HS6ST3: variants seen among roughly 807,000 people sequenced by gnomAD.
HS6ST3 encodes the protein heparan-sulfate 6-O-sulfotransferase 3.
HS6ST3 carries 12 observed loss-of-function variants against 36.7 expected under a neutral mutation model. The ratio of observed to expected loss-of-function variants is 0.33; its 90% confidence interval spans 0.21 to 0.53. HS6ST3 has a LOEUF of 0.53. HS6ST3 is among the 20% of genes least tolerant of loss of function. The probability of loss-of-function intolerance (pLI) is 0.95; values close to 1 mark genes in which losing one functional copy is unlikely to be tolerated. For synonymous variants in HS6ST3, 240 were observed against 257.5 expected, an observed-to-expected ratio of 0.93 and a Z score of 0.65; for missense variants, 584 against 640.9, an observed-to-expected ratio of 0.91 and a Z score of 0.96.
At chr13:96,263,648 C>A (rs2054677236) in intron 1 of HS6ST3, among the ~76,000 whole-genome samples, 4 of 151,930 alleles carry the variant, frequency 2.6e-5, no homozygotes, top group Admixed American at 1.3e-4. Flanking sequence ...TTTTTAGTGC[C>A]CATGATACAT....
At chr13:96,366,484 A>C (rs991111307) in intron 1 of HS6ST3, among the ~76,000 whole-genome samples, 3 of 146,564 alleles carry the variant, frequency 2.0e-5, no homozygotes, top group African/African-American at 7.5e-5. Flanking sequence ...AAATGTGTAA[A>C]AATCATCTGG....
chr13:96,396,024 G>A (rs1257962822), intron 1 of HS6ST3, among the ~76,000 whole-genome samples: 1 of 152,078 alleles, frequency 6.6e-6, no homozygotes, highest in African/African-American at 2.4e-5. Flanking sequence ...GTTTAATCAG[G>A]AATTGCTGGC....
At chr13:96,658,577 C>T in intron 1 of HS6ST3, among the ~76,000 whole-genome samples, 1 of 13,378 alleles carries the variant, frequency 7.5e-5, no homozygotes, top group Non-Finnish European at 6.1e-4. Flanking sequence ...GCCACCATGC[C>T]TGGCCGTATC....
At chr13:96,421,912 G>A (rs1020024835) in intron 1 of HS6ST3, among the ~76,000 whole-genome samples, 2 of 152,098 alleles carry the variant, frequency 1.3e-5, no homozygotes, top group Admixed American at 6.6e-5. Context: ...TTTATTGAAA[G>A]AATGCATGTT....
At chr13:96,353,051 T>C (rs1013211957) in intron 1 of HS6ST3, among the ~76,000 whole-genome samples, 1 of 135,272 alleles carries the variant, frequency 7.4e-6, no homozygotes, top group Non-Finnish European at 1.5e-5. Context: ...GTATTCTTTT[T>C]TTTTTTTTTT....
At chr13:96,103,132 G>A (rs2053825669) in intron 1 of HS6ST3, among the ~76,000 whole-genome samples, 1 of 152,124 alleles carries the variant, frequency 6.6e-6, no homozygotes. Flanking sequence ...TTATTAAACA[G>A]TGTTTTGACC....
At chr13:96,531,933 C>T (rs1433253595) in intron 1 of HS6ST3, among the ~76,000 whole-genome samples, 1 of 152,166 alleles carries the variant, frequency 6.6e-6, no homozygotes, top group Non-Finnish European at 1.5e-5. Context: ...AGGAAGAAAA[C>T]AACCTCGATT....
intron 1 of HS6ST3, among the ~76,000 whole-genome samples, chr13:96,621,063 G>A (rs2056493300): frequency 6.6e-6 from 1 of 152,200 alleles, no homozygotes; most frequent in Non-Finnish European, 1.5e-5. Flanking sequence ...AGCCGCAAGG[G>A]CTGCCTGCAT....
intron 1 of HS6ST3, among the ~76,000 whole-genome samples, chr13:96,129,876 C>T (rs557353360): frequency 6.6e-6 from 1 of 152,150 alleles, no homozygotes; most frequent in Admixed American, 6.5e-5. Flanking sequence ...AGCACCAACT[C>T]TGTAGATTGC....
chr13:96,093,560 G>A (rs2053775447), intron 1 of HS6ST3, among the ~76,000 whole-genome samples: 2 of 35,442 alleles, frequency 5.6e-5, no homozygotes, highest in South Asian at 2.0e-3. Context: ...CCCTGTTCTG[G>A]TTTCCTTTCT....
chr13:96,155,761 A>G (rs190403493), intron 1 of HS6ST3, among the ~76,000 whole-genome samples: 3 of 152,326 alleles, frequency 2.0e-5, no homozygotes, highest in Non-Finnish European at 4.4e-5. Flanking sequence ...GTCAAAATAT[A>G]TGAAATTTTG....
intron 1 of HS6ST3, among the ~76,000 whole-genome samples, chr13:96,347,047 G>A (rs1051680288): frequency 6.6e-6 from 1 of 152,146 alleles, no homozygotes; most frequent in Non-Finnish European, 1.5e-5. Context: ...TAGGCAGGGC[G>A]CGGGTCTTTC....
intron 1 of HS6ST3, among the ~76,000 whole-genome samples, chr13:96,450,859 C>A (rs561024183): frequency 6.6e-6 from 1 of 152,070 alleles, no homozygotes; most frequent in Non-Finnish European, 1.5e-5. Context: ...ACAGTCTGGG[C>A]GGGTATCAAA....
chr13:96,262,290 CT>C (rs1466819485), intron 1 of HS6ST3, among the ~76,000 whole-genome samples: 1 of 152,064 alleles, frequency 6.6e-6, no homozygotes, highest in Non-Finnish European at 1.5e-5. Flanking sequence ...GTTTAAAAGA[CT>C]GTTAGGGCCC....
At chr13:96,670,396 A>G (rs2056678982) in intron 1 of HS6ST3, among the ~76,000 whole-genome samples, 2 of 152,158 alleles carry the variant, frequency 1.3e-5, no homozygotes, top group South Asian at 4.1e-4. Context: ...AGTTTAATGT[A>G]AAGAGGAACA....
rs74917285 is a variant in HS6ST3, at chr13:96,837,392, G to T, written c.*4194G>T. 1 of 151,978 alleles carries T rather than the reference G, an allele frequency of 6.6e-6. No individual in the cohort carries two copies. The highest frequency in any genetic ancestry group is 2.4e-5 in the African/African-American group (1 of 41,390). 9.4% of individuals were successfully genotyped at this position (151,978 alleles called of 1,614,324 possible). On this transcript the variant is annotated 3_prime_UTR_variant, in exon 2 of 2. Coordinates refer to ENST00000376705, the MANE Select transcript of HS6ST3 (RefSeq NM_153456.4). Reference sequence around the variant, plus strand: ...TTCATTACACCACTTGCTAGTTTGGGATGGAGAGTCAGATATGTTGAAAGA... The same window carrying T: ...TTCATTACACCACTTGCTAGTTTGGTATGGAGAGTCAGATATGTTGAAAGA...
chr13:96,550,071 C>T (rs961074554), intron 1 of HS6ST3, among the ~76,000 whole-genome samples: 1 of 152,116 alleles, frequency 6.6e-6, no homozygotes, highest in African/African-American at 2.4e-5. Flanking sequence ...CTCATAGTAG[C>T]GATTCAATGG....
At chr13:96,505,781 A>G (rs539042374) in intron 1 of HS6ST3, among the ~76,000 whole-genome samples, 69 of 152,286 alleles carry the variant, frequency 4.5e-4, no homozygotes, top group African/African-American at 1.6e-3. Flanking sequence ...TAAAAACTGT[A>G]TGTCACATTA....
At chr13:96,692,777 A>G (rs930514424) in intron 1 of HS6ST3, among the ~76,000 whole-genome samples, 11 of 152,288 alleles carry the variant, frequency 7.2e-5, no homozygotes, top group African/African-American at 2.6e-4. Flanking sequence ...ATTAATTTCA[A>G]TCTATTCTTT....
Sources: gnomAD v4.1 joint callset for allele counts (sites outside exome capture counted in the v4.1 genomes callset) on GRCh38, gnomAD v4.1.1 for gene constraint, MANE v1.5 for transcripts, NCBI Gene and HGNC (gene_info 2026-07-23, HGNC 2026-07-21) for gene names.